The following NPHP1 variants were observed in gnomAD, a reference collection of about 807,000 sequenced individuals.
NPHP1 encodes nephrocystin 1.
In NPHP1, 70 loss-of-function variants were observed where a neutral mutation model predicts 90.4. That is an observed-to-expected ratio of 0.77 (90% CI 0.64 to 0.95). NPHP1 has a LOEUF of 0.95. NPHP1 is among the 40% of genes least tolerant of loss of function. The probability of loss-of-function intolerance (pLI) is 0.00; values close to 1 mark genes in which losing one functional copy is unlikely to be tolerated. For synonymous variants in NPHP1, 256 were observed against 271.7 expected, an observed-to-expected ratio of 0.94 and a Z score of 0.57; for missense variants, 764 against 795.9, an observed-to-expected ratio of 0.96 and a Z score of 0.48.
chr2:110,148,871 G>A (rs966836100), intron 12 of NPHP1, among the ~76,000 whole-genome samples: 19 of 151,976 alleles, frequency 1.3e-4, no homozygotes, highest in African/African-American at 4.6e-4. Context: ...ACTCTCCCTC[G>A]ACAACTGTAT....
chr2:110,189,460 G>A (rs1255652403), intron 2 of NPHP1, among the ~76,000 whole-genome samples: 3 of 152,082 alleles, frequency 2.0e-5, no homozygotes, highest in East Asian at 1.9e-4. Context: ...TCATGGTCTC[G>A]CTGACTTCAG....
intron 16 of NPHP1, among the ~76,000 whole-genome samples, chr2:110,136,938 A>G (rs1200628793): frequency 1.3e-5 from 2 of 152,214 alleles, no homozygotes; most frequent in Non-Finnish European, 1.5e-5. Flanking sequence ...ACAAGGCTAC[A>G]GTAACCAAAA....
chr2:110,140,645 GC>G (rs1680554450), intron 16 of NPHP1, among the ~76,000 whole-genome samples: 1 of 152,074 alleles, frequency 6.6e-6, no homozygotes, highest in South Asian at 2.1e-4. Context: ...GAGTGGGGAG[GC>G]CAAAGATGTA....
intron 11 of NPHP1, among the ~76,000 whole-genome samples, chr2:110,151,596 T>C (rs944630574): frequency 5.3e-5 from 8 of 152,168 alleles, no homozygotes; most frequent in Admixed American, 3.9e-4. Context: ...ACATCCCTAG[T>C]AGTAGGAATA....
At position 110,123,598 on chromosome 2, in the gene NPHP1, A is replaced by T; in HGVS notation, c.*193T>A. On this transcript the variant is annotated 3_prime_UTR_variant, in exon 20 of 20. Transcript: ENST00000445609. ...TTAGATATAACAGTATTCCTTATAA[A>T]AATTTATTTTATGGTTTTAAAAAAT... The T allele has an allele frequency of 1.7e-6, 1 of 576,178 alleles. No individual in the cohort carries two copies. The allele number at this position is 576,178 out of a possible 1,614,324, so 35.7% of individuals were successfully genotyped here.
At chr2:110,140,815 G>A (rs962116204) in intron 16 of NPHP1, among the ~76,000 whole-genome samples, 1 of 152,178 alleles carries the variant, frequency 6.6e-6, no homozygotes, top group South Asian at 2.1e-4. Context: ...AAAAAGCTAA[G>A]AGAGTAAATA....
chr2:110,130,972 A>AT (rs1679734606), intron 17 of NPHP1, among the ~76,000 whole-genome samples: 1 of 152,156 alleles, frequency 6.6e-6, no homozygotes, highest in Non-Finnish European at 1.5e-5. Flanking sequence ...TGCCTGTCTC[A>AT]TTCATCACTG....
intron 2 of NPHP1, among the ~76,000 whole-genome samples, chr2:110,181,643 C>T (rs1683914340): frequency 6.6e-6 from 1 of 152,104 alleles, no homozygotes; most frequent in Non-Finnish European, 1.5e-5. Flanking sequence ...AGGTCAGCAA[C>T]CTCAAAGATC....
chr2:110,181,175 T>G (rs962196229), intron 2 of NPHP1, among the ~76,000 whole-genome samples: 1 of 152,154 alleles, frequency 6.6e-6, no homozygotes, highest in Non-Finnish European at 1.5e-5. Flanking sequence ...GTGGCTGCTA[T>G]CTCTGGGGTT....
At chr2:110,155,258 G>A (rs1374834605) in intron 11 of NPHP1, among the ~76,000 whole-genome samples, 10 of 152,156 alleles carry the variant, frequency 6.6e-5, no homozygotes, top group Non-Finnish European at 1.3e-4. Flanking sequence ...GATTTCAAGA[G>A]GATGTATGAT....
intron 16 of NPHP1, among the ~76,000 whole-genome samples, chr2:110,141,692 G>A (rs931814424): frequency 1.3e-5 from 2 of 152,074 alleles, no homozygotes; most frequent in Non-Finnish European, 2.9e-5. Context: ...GTTTGGTAGG[G>A]CCGGATGCGG....
chr2:110,199,679 G>A (rs1685434021), intron 2 of NPHP1, among the ~76,000 whole-genome samples: 1 of 151,914 alleles, frequency 6.6e-6, no homozygotes, highest in Admixed American at 6.6e-5. Context: ...TTAACAGGAA[G>A]TTATGGGATA....
intron 4 of NPHP1, among the ~76,000 whole-genome samples, chr2:110,172,198 T>G (rs906132547): frequency 5.9e-5 from 9 of 152,170 alleles, no homozygotes; most frequent in Admixed American, 4.6e-4. Context: ...GTTCATAGTC[T>G]TTTCATAGTA....
intron 16 of NPHP1, among the ~76,000 whole-genome samples, chr2:110,137,317 A>G (rs558017524): frequency 2.0e-5 from 3 of 152,206 alleles, no homozygotes; most frequent in South Asian, 2.1e-4. Context: ...AGCCAAAATT[A>G]ACAAATGGGA....
chr2:110,133,337 T>G (rs558927988), intron 16 of NPHP1, among the ~76,000 whole-genome samples: 1 of 151,998 alleles, frequency 6.6e-6, no homozygotes, highest in African/African-American at 2.4e-5. Context: ...CATAAAACAG[T>G]CAATTCAGAA....
At position 110,163,034 on chromosome 2, in the gene NPHP1, T is replaced by C. The variant is rs1401743337; in HGVS notation, c.859+14A>G. On this transcript the variant is annotated intron_variant, in intron 9 of 19. Transcript: ENST00000445609. ...TTTGCTGAAAGAGTGCAGTGGCTGA[T>C]AGGCACGCATTACCTTCCTCCAGAA... is the stretch of plus-strand genomic sequence containing the variant. The C allele has an allele frequency of 2.5e-6, 4 of 1,589,972 alleles. No individual in the cohort carries two copies. In the African/African-American group the frequency reaches 4.0e-5, roughly 16 times the overall value.
At chr2:110,204,199 T>C (rs745757838) in intron 1 of NPHP1, among the ~76,000 whole-genome samples, 3 of 152,200 alleles carry the variant, frequency 2.0e-5, no homozygotes, top group Non-Finnish European at 2.9e-5. Flanking sequence ...TGAAATGCTG[T>C]ACAAGCACCT....
At position 110,163,132 on chromosome 2, in the gene NPHP1, T is replaced by C. The variant is rs1682469936; in HGVS notation, c.775A>G (p.Ile259Val). Reference protein sequence around the residue: ...SAVQKAISEQINTVDVLTTMG... With the variant: ...SAVQKAISEQVNTVDVLTTMG... The stretch of plus-strand genomic sequence containing the variant: ...GTAGTTAACACATCAACAGTGTTTA[T>C]CTGCTGAAGACAGTAACATCAAAAT... The change falls in exon 9 of 20, where the codon ATA (isoleucine) becomes GTA (valine). Residue 259 changes from isoleucine to valine, a missense_variant. Transcript: ENST00000445609. The C allele has an allele frequency of 1.9e-6, 3 of 1,605,560 alleles. No individual in the cohort carries two copies. Among genetic ancestry groups the C allele is most frequent in the African/African-American group, 1.3e-5 (1 of 74,814 alleles).
intron 16 of NPHP1, among the ~76,000 whole-genome samples, chr2:110,135,040 T>C (rs1231369425): frequency 6.6e-6 from 1 of 152,052 alleles, no homozygotes; most frequent in Non-Finnish European, 1.5e-5. Flanking sequence ...AGAATATATG[T>C]AGAAAACCCT....
Sources: gnomAD v4.1 joint callset for allele counts (sites outside exome capture counted in the v4.1 genomes callset) on GRCh38, gnomAD v4.1.1 for gene constraint, MANE v1.5 for transcripts, NCBI Gene and HGNC (gene_info 2026-07-23, HGNC 2026-07-21) for gene names.